Variants in PCID2 observed in about 807,000 individuals in gnomAD.
PCID2 encodes PCI domain containing 2, also known as PCI domain-containing protein 2.
In PCID2, 41 loss-of-function variants were observed where a neutral mutation model predicts 61.3. The observed-to-expected ratio is 0.67, with a 90% CI of 0.52 to 0.87. The LOEUF (loss-of-function observed/expected upper bound fraction) is 0.87, where lower values mean the gene tolerates loss of function less well. PCID2 is among the 40% of genes least tolerant of loss of function. The probability of loss-of-function intolerance (pLI) is 0.00; values close to 1 mark genes in which losing one functional copy is unlikely to be tolerated. For missense variants in PCID2, 392 were observed against 493.4 expected (o/e 0.79, Z 1.95); for synonymous variants, 187 against 177.8 (o/e 1.05, Z -0.41).
chr13:113,185,070 A>G (rs2037984369), intron 8 of PCID2, among the ~76,000 whole-genome samples: 1 of 152,236 alleles, frequency 6.6e-6, no homozygotes, highest in African/African-American at 2.4e-5. Context: ...TCTTCACCTG[A>G]CTGACTTTAT....
intron 8 of PCID2, 31 bp from the exon 9 acceptor site, chr13:113,184,518 T>C: frequency 2.8e-6 from 4 of 1,408,390 alleles, no homozygotes; most frequent in Non-Finnish European, 4.0e-6. Flanking sequence ...TTTAAAATAT[T>C]TAAAAACAAC....
the PCID2 span, chr13:113,171,637 G>C: frequency 6.2e-7 from 1 of 1,614,130 alleles, no homozygotes; most frequent in Non-Finnish European, 8.5e-7. This position sits in a 1 kb window ranked among gnomAD's most constrained non-coding sequence, Gnocchi z 5.1. Flanking sequence ...TCAAGATAAC[G>C]CACGTCCATG....
rs577354834 is a variant in PCID2 at position 113,184,072 on chromosome 13, A to C, written c.685+274T>G. The stretch of plus-strand genomic sequence containing the variant: ...GCAAATAAAGAAAACAATGATTTAC[A>C]TTCTATTCTGAGAACAGTCATGCTC... On this transcript the variant is annotated intron_variant, in intron 9 of 13. Coordinates refer to ENST00000337344, the MANE Select transcript of PCID2 (RefSeq NM_001127202.4). The C allele has an allele frequency of 3.2e-6, 3 of 935,240 alleles. No homozygotes were observed. The African/African-American group carries it at 5.3e-5, about 17-fold the overall frequency. 57.9% of individuals were successfully genotyped at this position (935,240 alleles called of 1,614,324 possible).
chr13:113,208,233 A>G (rs995399947), intron 1 of PCID2: 26 of 1,491,678 alleles, frequency 1.7e-5, no homozygotes, highest in African/African-American at 2.8e-5. Context: ...TCCATCCGAC[A>G]CAGCACCGCC....
chr13:113,191,635 T>C (rs545841914), intron 6 of PCID2, among the ~76,000 whole-genome samples: 37 of 152,208 alleles, frequency 2.4e-4, no homozygotes, highest in Non-Finnish European at 4.7e-4. Context: ...TCACTGAGTT[T>C]GACTTTTCCC....
intron 13 of PCID2, among the ~76,000 whole-genome samples, chr13:113,178,755 C>T (rs915750537): frequency 3.3e-5 from 5 of 152,038 alleles, no homozygotes; most frequent in Admixed American, 6.6e-5. Flanking sequence ...AGGGATGTAC[C>T]GCCAGTAAAG....
intron 7 of PCID2, chr13:113,188,473 T>TG (rs1364521534): frequency 2.6e-5 from 4 of 152,256 alleles, no homozygotes; most frequent in Non-Finnish European, 5.9e-5. Context: ...GGATGCTAAG[T>TG]GGAAGTCCAC....
In PCID2 at chr13:113,192,742, T is replaced by C. The variant is rs75429609; in HGVS notation, c.364-1767A>G. 9.7e-3 allele frequency among the ~76,000 whole-genome samples: 1,482 copies of C among 152,290 alleles called. 28 individuals carry two copies. Among genetic ancestry groups the C allele is most frequent in the African/African-American group, 0.034 (1,421 of 41,550 alleles). On this transcript the variant is annotated intron_variant, in intron 6 of 13. Coordinates refer to ENST00000337344, the MANE Select transcript of PCID2 (RefSeq NM_001127202.4). Reference sequence around the variant, plus strand: ...GTTTTTAACAGTGGTATATCAGCACTTGGGAGGTGCTGCATGGCTCAGTAA... The same window carrying C: ...GTTTTTAACAGTGGTATATCAGCACCTGGGAGGTGCTGCATGGCTCAGTAA...
At chr13:113,171,786 G>C in the PCID2 span, 2 of 1,612,786 alleles carry the variant, frequency 1.2e-6, no homozygotes, top group Non-Finnish European at 1.7e-6. This position sits in a 1 kb window ranked among gnomAD's most constrained non-coding sequence, Gnocchi z 5.1. Flanking sequence ...CTCATCCCAC[G>C]CACCAGGGGC....
Position 113,196,236 on chromosome 13 carries a change from G to A in PCID2, c.267-14C>T, listed in dbSNP as rs2138862318. 1 of 1,577,594 alleles carries A rather than the reference G, an allele frequency of 6.3e-7. No homozygotes were observed. Among genetic ancestry groups the A allele is most frequent in the East Asian group, 2.2e-5 (1 of 44,642 alleles). On this transcript the variant is annotated splice_polypyrimidine_tract_variant and intron_variant, in intron 4 of 13. Transcript: ENST00000337344. ...CGCAAGAATGATGTACTGTATTAAG[G>A]AAGATATGGCATACAAAGTTCAAAT...
At position 113,186,654 on chromosome 13, in the gene PCID2, CT is replaced by C. The variant is rs2038140550; in HGVS notation, c.468-1095del. ...GTCTCACACTGTATTTTTACTGCAT[CT>C]TTTCTGTGTTTAGATCTGTTTAGAC... On this transcript the variant is annotated intron_variant, in intron 7 of 13. Transcript: ENST00000337344. 17 of 152,334 alleles carry C rather than the reference CT, an allele frequency of 1.1e-4. 1 individual carries two copies. Among genetic ancestry groups the C allele is most frequent in the Middle Eastern group, 3.4e-3 (1 of 294 alleles). The allele number at this position is 152,334 out of a possible 1,614,324, so 9.4% of individuals were successfully genotyped here.
intron 9 of PCID2, 113 bp downstream of exon 9, chr13:113,184,233 C>G (rs1302503589): frequency 2.0e-6 from 2 of 1,024,686 alleles, no homozygotes; most frequent in Admixed American, 2.1e-5. Flanking sequence ...ATAACTTGGT[C>G]CACATTTAAA....
At chr13:113,167,202 G>GC in the PCID2 span, among the ~76,000 whole-genome samples, 1 of 152,154 alleles carries the variant, frequency 6.6e-6, no homozygotes, top group Non-Finnish European at 1.5e-5. Flanking sequence ...GACTGATGGC[G>GC]CAAGTGCCGT....
At chr13:113,170,283 G>C in the PCID2 span, 1 of 624,518 alleles carries the variant, frequency 1.6e-6, no homozygotes, top group Non-Finnish European at 2.9e-6. Context: ...AATCAAATAC[G>C]GCTGTCTGCC....
chr13:113,178,439 A>G (rs2037306091), intron 13 of PCID2, 152 bp from the exon 14 acceptor site: 1 of 563,086 alleles, frequency 1.8e-6, no homozygotes, highest in Middle Eastern at 3.0e-4. Flanking sequence ...AATAAATACA[A>G]TCAACCCTCT....
chr13:113,171,219 G>A, the PCID2 span, among the ~76,000 whole-genome samples: 14 of 152,132 alleles, frequency 9.2e-5, no homozygotes, highest in Non-Finnish European at 1.2e-4. This position sits in a 1 kb window ranked among gnomAD's most constrained non-coding sequence, Gnocchi z 5.1. Context: ...CACTGTGCCT[G>A]GCCCTTAAAT....
intron 7 of PCID2, among the ~76,000 whole-genome samples, chr13:113,189,140 C>A (rs1371954629): frequency 6.6e-6 from 1 of 152,010 alleles, no homozygotes; most frequent in Non-Finnish European, 1.5e-5. Flanking sequence ...TGTGGAAGAG[C>A]CTGGCGCCTC....
At chr13:113,206,746 C>G (rs1255137322) in intron 1 of PCID2, among the ~76,000 whole-genome samples, 1 of 152,218 alleles carries the variant, frequency 6.6e-6, no homozygotes, top group Non-Finnish European at 1.5e-5. Flanking sequence ...TTTTATCCAT[C>G]AGAATTAGGA....
chr13:113,198,737 T>C (rs919084199), intron 2 of PCID2, among the ~76,000 whole-genome samples: 5 of 151,242 alleles, frequency 3.3e-5, no homozygotes, highest in African/African-American at 1.2e-4. Flanking sequence ...GGTTCATTAC[T>C]TCAACAAATA....
Sources: gnomAD v4.1 joint callset for allele counts (sites outside exome capture counted in the v4.1 genomes callset) on GRCh38, gnomAD v4.1.1 for gene constraint, Gnocchi (gnomAD v3.1) non-coding constraint, MANE v1.5 for transcripts, NCBI Gene and HGNC (gene_info 2026-07-23, HGNC 2026-07-21) for gene names.